The following GARIN2 variants were observed in gnomAD, a reference collection of about 807,000 sequenced individuals.
The protein encoded by GARIN2 is Golgi-associated RAB2 interactor protein 2.
chr14:67,220,940 G>A, the GARIN2 span, among the ~76,000 whole-genome samples: 2 of 152,098 alleles, frequency 1.3e-5, no homozygotes, highest in African/African-American at 4.8e-5. Context: ...TATTTTGTAG[G>A]ATAATAGCTA....
the GARIN2 span, among the ~76,000 whole-genome samples, chr14:67,192,913 GATAT>G: frequency 7.0e-6 from 1 of 142,480 alleles, no homozygotes; most frequent in Non-Finnish European, 1.5e-5. Flanking sequence ...GATATATATA[GATAT>G]ATATGTATAT....
the GARIN2 span, chr14:67,201,730 A>G: frequency 2.9e-6 from 1 of 342,196 alleles, no homozygotes; most frequent in South Asian, 2.2e-5. Flanking sequence ...AATCCAGAAG[A>G]AGAGGGGCAC....
chr14:67,215,572 C>T, the GARIN2 span, among the ~76,000 whole-genome samples: 4,735 of 151,874 alleles, frequency 0.031, 87 homozygotes, highest in Non-Finnish European at 0.036. Flanking sequence ...AAAACAGAAA[C>T]CAATAGTCAG....
At chr14:67,192,946 ATCTC>A in the GARIN2 span, among the ~76,000 whole-genome samples, 2 of 146,704 alleles carry the variant, frequency 1.4e-5, no homozygotes, top group Admixed American at 6.9e-5. Context: ...CTAGATAAAT[ATCTC>A]TATATATCTA....
At chr14:67,226,649 CTG>C in the GARIN2 span, among the ~76,000 whole-genome samples, 23,732 of 152,164 alleles carry the variant, frequency 0.16, 3,489 homozygotes, top group East Asian at 0.42. Flanking sequence ...GCGTGAGCCA[CTG>C]TGCCTGGCTG....
the GARIN2 span, chr14:67,221,848 G>A: frequency 6.2e-7 from 1 of 1,607,034 alleles, no homozygotes; most frequent in Non-Finnish European, 8.5e-7. Flanking sequence ...TGTGATCCCT[G>A]GTATTCAGTA....
the GARIN2 span, chr14:67,225,054 T>G: frequency 2.8e-6 from 4 of 1,434,464 alleles, no homozygotes; most frequent in South Asian, 2.8e-5. Flanking sequence ...CTTTTTTTCT[T>G]TCTCACTTCC....
At chr14:67,193,474 T>A in the GARIN2 span, among the ~76,000 whole-genome samples, 3 of 142,680 alleles carry the variant, frequency 2.1e-5, no homozygotes, top group African/African-American at 7.6e-5. Context: ...TATCTAGATA[T>A]CTAGATACAG....
chr14:67,222,081 G>A, the GARIN2 span: 2 of 382,132 alleles, frequency 5.2e-6, no homozygotes, highest in East Asian at 8.9e-5. Flanking sequence ...CCAGTTCCCT[G>A]TATCTAAATC....
chr14:67,226,093 T>C, the GARIN2 span, among the ~76,000 whole-genome samples: 4,788 of 152,324 alleles, frequency 0.031, 110 homozygotes, highest in Middle Eastern at 0.099. Context: ...GCCTTGCTGA[T>C]GGAATCAAGG....
the GARIN2 span, among the ~76,000 whole-genome samples, chr14:67,192,097 G>C: frequency 5.9e-5 from 9 of 152,190 alleles, no homozygotes; most frequent in South Asian, 6.2e-4. Flanking sequence ...TGCCACCCTC[G>C]CTCTGCAGCG....
At chr14:67,218,711 GC>G in the GARIN2 span, among the ~76,000 whole-genome samples, 1 of 152,006 alleles carries the variant, frequency 6.6e-6, no homozygotes, top group Non-Finnish European at 1.5e-5. Context: ...GTTTCTTTGT[GC>G]CCTAAGCACA....
At chr14:67,210,170 A>G in the GARIN2 span, among the ~76,000 whole-genome samples, 7 of 152,270 alleles carry the variant, frequency 4.6e-5, no homozygotes, top group Non-Finnish European at 8.8e-5. Context: ...GTAGCGTTTC[A>G]TATGGAAAAC....
chr14:67,225,976 T>C, the GARIN2 span, among the ~76,000 whole-genome samples: 181 of 117,302 alleles, frequency 1.5e-3, 1 homozygote, highest in African/African-American at 4.1e-3. Flanking sequence ...CGCGCGCGCG[T>C]GCGCATGCGC....
At chr14:67,205,833 G>T in the GARIN2 span, among the ~76,000 whole-genome samples, 1 of 152,154 alleles carries the variant, frequency 6.6e-6, no homozygotes, top group Non-Finnish European at 1.5e-5. Flanking sequence ...TGGCAGGATG[G>T]ATTATAGGTA....
At chr14:67,193,454 T>C in the GARIN2 span, among the ~76,000 whole-genome samples, 3 of 143,294 alleles carry the variant, frequency 2.1e-5, no homozygotes, top group Admixed American at 7.0e-5. Context: ...CAGATCTCTA[T>C]ATATCTAGAT....
chr14:67,217,667 G>A, the GARIN2 span, among the ~76,000 whole-genome samples: 1 of 151,988 alleles, frequency 6.6e-6, no homozygotes, highest in African/African-American at 2.4e-5. Flanking sequence ...AGCATTTTTT[G>A]TAAGGCCAAT....
the GARIN2 span, chr14:67,199,595 G>A: frequency 2.8e-5 from 44 of 1,591,986 alleles, no homozygotes; most frequent in East Asian, 4.5e-5. Context: ...TTATGCCTTC[G>A]AGAAGGACTC....
At chr14:67,200,486 T>C in the GARIN2 span, 1 of 378,178 alleles carries the variant, frequency 2.6e-6, no homozygotes, top group African/African-American at 2.1e-5. Context: ...AGGAGGTATT[T>C]CTTTTTTATG....
Sources: gnomAD v4.1 joint callset for allele counts (sites outside exome capture counted in the v4.1 genomes callset) on GRCh38, gnomAD v4.1.1 for gene constraint, MANE v1.5 for transcripts, NCBI Gene and HGNC (gene_info 2026-07-23, HGNC 2026-07-21) for gene names.